The following ENOX1 variants were observed in gnomAD, a reference collection of about 807,000 sequenced individuals.
ENOX1 encodes ecto-NOX disulfide-thiol exchanger 1.
In ENOX1, 42 loss-of-function variants were observed where a neutral mutation model predicts 82.5. The ratio of observed to expected loss-of-function variants is 0.51; its 90% CI spans 0.40 to 0.66. The LOEUF (loss-of-function observed/expected upper bound fraction) is 0.66, where lower values mean the gene tolerates loss of function less well. Among genes scored for constraint, ENOX1 ranks in the 30% least tolerant of loss-of-function variants. The probability of loss-of-function intolerance (pLI) is 0.00; values close to 1 mark genes in which losing one functional copy is unlikely to be tolerated. For missense variants in ENOX1, 608 were observed against 811.6 expected, an observed-to-expected ratio of 0.75 and a Z score of 3.05; for synonymous variants, 271 against 282.2, an observed-to-expected ratio of 0.96 and a Z score of 0.40.
chr13:43,702,953 C>CAAAAAAAAAAAAAAA (rs60810191), intron 1 of ENOX1, among the ~76,000 whole-genome samples: 5 of 51,010 alleles, frequency 9.8e-5, no homozygotes, highest in Admixed American at 3.4e-4. Flanking sequence ...GACTCTGTCT[C>CAAAAAAAAAAAAAAA]AAAAAAAAAA....
chr13:43,519,183 T>C (rs1372494410), intron 2 of ENOX1, among the ~76,000 whole-genome samples: 2 of 152,142 alleles, frequency 1.3e-5, no homozygotes, highest in Non-Finnish European at 2.9e-5. Context: ...TAAGAGGTAT[T>C]GTCAGACCAA....
intron 1 of ENOX1, among the ~76,000 whole-genome samples, chr13:43,712,571 T>C: frequency 6.7e-6 from 1 of 148,786 alleles, no homozygotes; most frequent in African/African-American, 2.4e-5. Flanking sequence ...CTTCCATTTG[T>C]TTGTATCCTC....
intron 2 of ENOX1, among the ~76,000 whole-genome samples, chr13:43,632,532 G>T (rs2083261154): frequency 6.6e-6 from 1 of 151,668 alleles, no homozygotes; most frequent in Non-Finnish European, 1.5e-5. Flanking sequence ...TGCAACCTCT[G>T]CCTTCCGTGT....
At chr13:43,565,543 G>A (rs764547801) in intron 2 of ENOX1, among the ~76,000 whole-genome samples, 2 of 152,144 alleles carry the variant, frequency 1.3e-5, no homozygotes, top group Non-Finnish European at 2.9e-5. Flanking sequence ...AGGACTAGGG[G>A]AGGGAAGGAT....
chr13:43,403,539 A>T (rs1354030211), intron 5 of ENOX1, among the ~76,000 whole-genome samples: 1 of 152,166 alleles, frequency 6.6e-6, no homozygotes, highest in East Asian at 1.9e-4. Flanking sequence ...ACATTCTCTT[A>T]TCTCTAGAAA....
chr13:43,679,958 TG>T (rs1467131391), intron 1 of ENOX1, among the ~76,000 whole-genome samples: 1 of 152,210 alleles, frequency 6.6e-6, no homozygotes, highest in Non-Finnish European at 1.5e-5. Context: ...TTATTTTCCT[TG>T]TGTCAAATGT....
At chr13:43,725,228 G>C (rs929617925) in intron 1 of ENOX1, among the ~76,000 whole-genome samples, 1 of 152,108 alleles carries the variant, frequency 6.6e-6, no homozygotes, top group Non-Finnish European at 1.5e-5. Flanking sequence ...CTTTTAAGAG[G>C]AAACCAAATA....
chr13:43,668,357 G>C (rs912598290), intron 1 of ENOX1, among the ~76,000 whole-genome samples: 1 of 152,126 alleles, frequency 6.6e-6, no homozygotes, highest in Admixed American at 6.6e-5. Flanking sequence ...GAAATAGGTT[G>C]CCCCGAACTT....
intron 8 of ENOX1, among the ~76,000 whole-genome samples, chr13:43,352,894 A>G (rs1369241638): frequency 5.3e-5 from 8 of 152,148 alleles, no homozygotes; most frequent in African/African-American, 1.9e-4. Context: ...CTTCCCACAT[A>G]TAACAGGAGG....
intron 12 of ENOX1, among the ~76,000 whole-genome samples, chr13:43,283,834 A>C (rs756979287): frequency 4.6e-5 from 7 of 152,034 alleles, no homozygotes; most frequent in Middle Eastern, 3.4e-3. Context: ...TTTTTCCTTT[A>C]AGTTCTGCTT....
intron 1 of ENOX1, among the ~76,000 whole-genome samples, chr13:43,703,470 G>A (rs751007116): frequency 1.3e-5 from 2 of 152,132 alleles, no homozygotes; most frequent in Non-Finnish European, 2.9e-5. Flanking sequence ...GGCAGCTTTA[G>A]ATAGTATTCT....
chr13:43,319,249 T>C (rs551537307), intron 11 of ENOX1, among the ~76,000 whole-genome samples: 32 of 152,358 alleles, frequency 2.1e-4, no homozygotes, highest in African/African-American at 7.5e-4. Flanking sequence ...ATTTTCATTT[T>C]TATCAGCATC....
chr13:43,559,517 G>A (rs1032608750), intron 2 of ENOX1, among the ~76,000 whole-genome samples: 1 of 152,072 alleles, frequency 6.6e-6, no homozygotes, highest in Non-Finnish European at 1.5e-5. Flanking sequence ...TGTCTCTCAG[G>A]CAGATTAGAT....
intron 2 of ENOX1, among the ~76,000 whole-genome samples, chr13:43,537,268 G>T (rs1013827704): frequency 6.6e-6 from 1 of 152,174 alleles, no homozygotes; most frequent in African/African-American, 2.4e-5. Flanking sequence ...CCATGGACGG[G>T]TTATCAGTTG....
chr13:43,776,885 G>A (rs558327008), intron 1 of ENOX1, among the ~76,000 whole-genome samples: 1 of 152,160 alleles, frequency 6.6e-6, no homozygotes, highest in East Asian at 1.9e-4. Context: ...GCCTCCCAAG[G>A]GTAAAACACA....
chr13:43,699,203 A>G (rs2153807885), intron 1 of ENOX1, among the ~76,000 whole-genome samples: 1 of 152,324 alleles, frequency 6.6e-6, no homozygotes. Flanking sequence ...CTGAGGCATC[A>G]GCTAAGAAAT....
At chr13:43,606,382 G>A (rs571762038) in intron 2 of ENOX1, among the ~76,000 whole-genome samples, 4 of 152,188 alleles carry the variant, frequency 2.6e-5, no homozygotes, top group African/African-American at 7.2e-5. Flanking sequence ...AGCACTATTC[G>A]CAATAGCCAT....
chr13:43,771,179 C>A (rs1206449403), intron 1 of ENOX1, among the ~76,000 whole-genome samples: 2 of 152,222 alleles, frequency 1.3e-5, no homozygotes, highest in Admixed American at 1.3e-4. Flanking sequence ...AAGAGAGAAT[C>A]CAAGGCGGGA....
chr13:43,682,079 T>G (rs1312217136), intron 1 of ENOX1, among the ~76,000 whole-genome samples: 1 of 152,108 alleles, frequency 6.6e-6, no homozygotes. Flanking sequence ...AATAATATAT[T>G]TTTTAAATGG....
Sources: allele counts gnomAD v4.1 joint callset (sites outside exome capture counted in the v4.1 genomes callset), GRCh38; gene constraint gnomAD v4.1.1; transcripts MANE v1.5; gene names NCBI Gene and HGNC (gene_info 2026-07-23, HGNC 2026-07-21).